The following SYNPR variants were observed in gnomAD, a reference collection of about 807,000 sequenced individuals.
SYNPR encodes the protein synaptoporin.
A neutral mutation model predicts 32.9 loss-of-function variants in SYNPR; 23 were observed. The ratio of observed to expected loss-of-function variants is 0.70; its 90% CI spans 0.50 to 0.99. The LOEUF is 0.99. Among genes scored for constraint, SYNPR ranks in the 50% least tolerant of loss-of-function variants. The pLI, the probability that SYNPR is intolerant of heterozygous loss-of-function variation, is 0.00. For missense variants in SYNPR, 318 were observed against 349.3 expected, an observed-to-expected ratio of 0.91 and a Z score of 0.71; for synonymous variants, 146 against 135.9, an observed-to-expected ratio of 1.07 and a Z score of -0.52.
chr3:63,511,286 C>T (rs1258668783), intron 3 of SYNPR, among the ~76,000 whole-genome samples: 5 of 152,058 alleles, frequency 3.3e-5, no homozygotes, highest in Admixed American at 3.3e-4. Context: ...CTCTGTTTAA[C>T]ATTCCTTGTA....
chr3:63,498,437 G>A (rs1286067800), intron 3 of SYNPR, among the ~76,000 whole-genome samples: 1 of 152,074 alleles, frequency 6.6e-6, no homozygotes, highest in Non-Finnish European at 1.5e-5. Flanking sequence ...ACAAGCAAAC[G>A]AGCAAGAGAC....
At chr3:63,525,702 G>C (rs965912599) in intron 3 of SYNPR, among the ~76,000 whole-genome samples, 1 of 152,204 alleles carries the variant, frequency 6.6e-6, no homozygotes, top group Admixed American at 6.5e-5. Context: ...CAGAGAGAAT[G>C]GTTGAATCCT....
intron 3 of SYNPR, among the ~76,000 whole-genome samples, chr3:63,526,023 C>G (rs552286014): frequency 1.3e-5 from 2 of 152,204 alleles, no homozygotes; most frequent in East Asian, 3.9e-4. Flanking sequence ...TTAGAGAGCA[C>G]ATGGCAAGAG....
chr3:63,262,767 G>A (rs1049713842), intron 2 of SYNPR, among the ~76,000 whole-genome samples: 6 of 152,156 alleles, frequency 3.9e-5, no homozygotes, highest in Non-Finnish European at 8.8e-5. Context: ...ATCCAAGGAA[G>A]CACAGACACA....
chr3:63,418,410 C>T (rs1471468136), intron 2 of SYNPR, among the ~76,000 whole-genome samples: 1 of 152,182 alleles, frequency 6.6e-6, no homozygotes, highest in East Asian at 1.9e-4. Flanking sequence ...CTTCTGAGCC[C>T]TCCAAACTGT....
intron 2 of SYNPR, among the ~76,000 whole-genome samples, chr3:63,473,017 A>T (rs866714908): frequency 2.6e-5 from 4 of 152,054 alleles, no homozygotes; most frequent in Middle Eastern, 6.8e-3. Context: ...TACCTGACAT[A>T]TTTCTGCCTG....
chr3:63,230,993 A>C (rs763439509), intron 1 of SYNPR, among the ~76,000 whole-genome samples: 1 of 152,174 alleles, frequency 6.6e-6, no homozygotes. Context: ...GAAATGCACT[A>C]CTAGGTACCT....
intron 2 of SYNPR, among the ~76,000 whole-genome samples, chr3:63,327,963 G>A (rs2087185612): frequency 6.6e-6 from 1 of 152,094 alleles, no homozygotes; most frequent in Non-Finnish European, 1.5e-5. Context: ...ATCAGGAGAG[G>A]CACAGATGGA....
At chr3:63,372,404 C>T (rs1226934492) in intron 2 of SYNPR, among the ~76,000 whole-genome samples, 5 of 152,292 alleles carry the variant, frequency 3.3e-5, no homozygotes, top group East Asian at 3.9e-4. Flanking sequence ...GCCCCTCTGC[C>T]ACTGCCACTG....
chr3:63,577,725 G>A (rs917780412), intron 4 of SYNPR, among the ~76,000 whole-genome samples: 4 of 152,044 alleles, frequency 2.6e-5, no homozygotes, highest in Non-Finnish European at 5.9e-5. Flanking sequence ...AAAGTAGGAT[G>A]GGCCTAATTG....
rs75444387 is a variant in SYNPR, at chr3:63,449,490, A to G, written c.85-31342A>G. ...TAAGCAGCATCCCTGCCTTCTACCC[A>G]CTATGTGTCAGTAGCAATCTCCCCA... On this transcript the variant is annotated intron_variant, in intron 2 of 5. Transcript: ENST00000478300. 2.8e-4 allele frequency among the ~76,000 whole-genome samples: 42 copies of G among 152,252 alleles called. No individual in the cohort carries two copies. The East Asian group carries it at 8.1e-3, about 29-fold the overall frequency.
At chr3:63,245,708 AGAGTGTGTGTGT>A (rs1480602579) in intron 1 of SYNPR, among the ~76,000 whole-genome samples, 4 of 50,204 alleles carry the variant, frequency 8.0e-5, no homozygotes, top group African/African-American at 3.1e-4. Context: ...AGAGAGAGAG[AGAGTGTGTGTGT>A]GTGTGTGTGT....
intron 2 of SYNPR, among the ~76,000 whole-genome samples, chr3:63,383,336 G>A (rs1197440210): frequency 1.3e-5 from 2 of 152,200 alleles, no homozygotes; most frequent in African/African-American, 4.8e-5. Context: ...AAAGAATAGA[G>A]CTGAGCCAAG....
chr3:63,295,469 T>C (rs1271831132), intron 2 of SYNPR, among the ~76,000 whole-genome samples: 1 of 152,122 alleles, frequency 6.6e-6, no homozygotes, highest in African/African-American at 2.4e-5. Flanking sequence ...AACCTAGCAG[T>C]TTAACACAGG....
intron 2 of SYNPR, among the ~76,000 whole-genome samples, chr3:63,267,115 A>T (rs2086497001): frequency 6.6e-6 from 1 of 152,196 alleles, no homozygotes; most frequent in Admixed American, 6.5e-5. Flanking sequence ...ATAAAAATGG[A>T]GCTCAATGTG....
chr3:63,519,907 C>A (rs970374102), intron 3 of SYNPR, among the ~76,000 whole-genome samples: 9 of 152,080 alleles, frequency 5.9e-5, no homozygotes, highest in African/African-American at 7.2e-5. Flanking sequence ...ATTCACATCA[C>A]CCTGAGATAA....
intron 2 of SYNPR, among the ~76,000 whole-genome samples, chr3:63,264,930 G>GGT (rs971901851): frequency 6.6e-6 from 1 of 151,104 alleles, no homozygotes; most frequent in African/African-American, 2.4e-5. Flanking sequence ...GAATCATGGG[G>GGT]GAGCCATGAT....
chr3:63,361,809 T>TAC lies in SYNPR; in HGVS notation c.84+83073_84+83074dup, dbSNP rs201559303. On this transcript the variant is annotated intron_variant, in intron 2 of 5. Coordinates refer to ENST00000478300, the MANE Select transcript of SYNPR (RefSeq NM_001130003.2). ...CTACAAATATATATATACATATTTC[T>TAC]ACACACATATATATATATGCATGAG... Among the ~76,000 whole-genome samples the TAC allele has an allele frequency of 2.2e-4, 33 of 147,030 alleles. No homozygotes were observed. The East Asian group carries it at 7.1e-3, about 32-fold the overall frequency.
Position 63,556,696 on chromosome 3 carries a change from T to C in SYNPR, c.363T>C (p.Ile121=), listed in dbSNP as rs757231424. 1.2e-6 allele frequency: 2 copies of C among 1,613,800 alleles called. No homozygotes were observed. Among genetic ancestry groups the C allele is most frequent in the Non-Finnish European group, 1.7e-6 (2 of 1,179,808 alleles). The part of the protein sequence containing the change: ...LYSLAATVVY[I]FFQNKYRENN... Reference sequence around the variant, plus strand: ...CTTTGGCTGCCACTGTCGTTTACATTTTCTTCCAGAACAAATACCGGGAAA... The same window carrying C: ...CTTTGGCTGCCACTGTCGTTTACATCTTCTTCCAGAACAAATACCGGGAAA... Residue 121 remains isoleucine, a synonymous_variant, in exon 4 of 6, where the codon ATT becomes ATC. Coordinates refer to ENST00000478300, the MANE Select transcript of SYNPR (RefSeq NM_001130003.2).
Sources: gnomAD v4.1 joint callset for allele counts (sites outside exome capture counted in the v4.1 genomes callset) on GRCh38, gnomAD v4.1.1 for gene constraint, MANE v1.5 for transcripts, NCBI Gene and HGNC (gene_info 2026-07-23, HGNC 2026-07-21) for gene names.